FAAP24: variants seen among roughly 807,000 people sequenced by gnomAD.
FAAP24 encodes the protein FA core complex associated protein 24.
Under a neutral mutation model 14.3 loss-of-function variants are expected in FAAP24, and 16 were observed. The ratio of observed to expected loss-of-function variants is 1.12; its 90% CI spans 0.76 to 1.69. The LOEUF is 1.69. FAAP24 is among the 40% of genes most tolerant of loss of function. The pLI, the probability that FAAP24 is intolerant of heterozygous loss-of-function variation, is 0.00. For synonymous variants in FAAP24, 111 were observed against 106.2 expected (o/e 1.04, Z -0.28); for missense variants, 234 against 262.7 (o/e 0.89, Z 0.75).
At chr19:32,973,104 A>G in intron 1 of FAAP24, 80 bp from the exon 2 acceptor site, 1 of 1,018,630 alleles carries the variant, frequency 9.8e-7, no homozygotes. Context: ...ATCCTGCCCC[A>G]GAGGCCCTGG....
Position 32,977,052 on chromosome 19 carries a change from C to CAAAAAAA in FAAP24, c.*380_*386dup, listed in dbSNP as rs56403853. 1 of 311,258 alleles carries CAAAAAAA rather than the reference C, an allele frequency of 3.2e-6. No homozygotes were observed. Among genetic ancestry groups the CAAAAAAA allele is most frequent in the Non-Finnish European group, 5.7e-6 (1 of 175,718 alleles). 19.3% of individuals were successfully genotyped at this position (311,258 alleles called of 1,614,324 possible). A position where few individuals can be genotyped will look rare whatever the true frequency, so the allele number is the denominator to read the frequency against. On this transcript the variant is annotated 3_prime_UTR_variant, in exon 5 of 5. Coordinates refer to ENST00000588258, the MANE Select transcript of FAAP24 (RefSeq NM_152266.5). Reference sequence around the variant, plus strand: ...CGAGACTCCGTCTCAAAGAAAACAACAAAAAAAAAAAAAAAAGAAAAAGGA... The same window carrying CAAAAAAA: ...CGAGACTCCGTCTCAAAGAAAACAACAAAAAAAAAAAAAAAAAAAAAAAGAAAAAGGA...
chr19:32,972,458 T>C, intron 1 of FAAP24, 112 bp downstream of exon 1: 1 of 399,556 alleles, frequency 2.5e-6, no homozygotes, highest in Non-Finnish European at 4.4e-6. Context: ...CACAAATAAT[T>C]GGCAAACGGG....
At chr19:32,975,231 G>A (rs1317145168) in intron 4 of FAAP24, among the ~76,000 whole-genome samples, 1 of 143,696 alleles carries the variant, frequency 7.0e-6, no homozygotes, top group African/African-American at 2.7e-5. Flanking sequence ...GTGCAGTGGT[G>A]CAATCTTGGC....
rs141033427 is a variant in FAAP24, at chr19:32,978,128, G to A, written c.*1446G>A. 1 of 152,404 alleles carries A rather than the reference G, an allele frequency of 6.6e-6. No individual in the cohort carries two copies. Among genetic ancestry groups the A allele is most frequent in the Non-Finnish European group, 1.5e-5 (1 of 68,210 alleles). The allele number at this position is 152,404 out of a possible 1,614,324, so 9.4% of individuals were successfully genotyped here. On this transcript the variant is annotated 3_prime_UTR_variant, in exon 5 of 5. Coordinates refer to ENST00000588258, the MANE Select transcript of FAAP24 (RefSeq NM_152266.5). Reference sequence around the variant, plus strand: ...AGGCCAGGCACAGTGGCTCACACCTGTAGTCCCAGCACTTTGGGAGGCTGA... The same window carrying A: ...AGGCCAGGCACAGTGGCTCACACCTATAGTCCCAGCACTTTGGGAGGCTGA...
Position 32,973,440 on chromosome 19 carries a change from A to G in FAAP24, c.121A>G (p.Ile41Val), listed in dbSNP as rs759902681. ...TGTATTTTAAGGGAAAATTAAGCTC[A>G]TTTTCGAGGATGGCTTGACACCAGA... ...AQEMQGKIKL[I>V]FEDGLTPDFY... The change falls in exon 3 of 5, where the codon ATT (isoleucine) becomes GTT (valine). Residue 41 changes from isoleucine to valine, a missense_variant. Ile to Val is a conservative substitution (Grantham distance 29). Coordinates refer to ENST00000588258, the MANE Select transcript of FAAP24 (RefSeq NM_152266.5). The G allele has an allele frequency of 4.3e-6, 7 of 1,614,058 alleles. No individual in the cohort carries two copies. Among genetic ancestry groups the G allele is most frequent in the Non-Finnish European group, 5.9e-6 (7 of 1,179,976 alleles).
chr19:32,973,034 T>A, intron 1 of FAAP24, 150 bp from the exon 2 acceptor site: 2 of 627,038 alleles, frequency 3.2e-6, no homozygotes, highest in Non-Finnish European at 2.7e-6. Flanking sequence ...TTCTTATTAG[T>A]AATTATAAAG....
chr19:32,973,621 A>C (rs769657508), intron 3 of FAAP24, 59 bp downstream of exon 3: 3 of 1,577,954 alleles, frequency 1.9e-6, no homozygotes, highest in Non-Finnish European at 2.6e-6. Flanking sequence ...TTGGGAGGCC[A>C]AGGCGGGTGG....
intron 1 of FAAP24, among the ~76,000 whole-genome samples, chr19:32,972,711 T>TTTTC (rs1294586577): frequency 4.1e-5 from 3 of 73,782 alleles, no homozygotes; most frequent in Non-Finnish European, 6.0e-5. Context: ...TTTCTTTTTC[T>TTTTC]TTTCTTTTTT....
At chr19:32,975,604 T>G (rs1971506622) in intron 4 of FAAP24, among the ~76,000 whole-genome samples, 1 of 151,228 alleles carries the variant, frequency 6.6e-6, no homozygotes, top group Non-Finnish European at 1.5e-5. Context: ...GAATTACAGG[T>G]GCCCGCCACC....
chr19:32,972,951 T>A (rs1483398433), intron 1 of FAAP24, among the ~76,000 whole-genome samples: 2 of 152,046 alleles, frequency 1.3e-5, no homozygotes, highest in Non-Finnish European at 2.9e-5. Flanking sequence ...CCTGACCTTG[T>A]GATCCACCCG....
At position 32,974,125 on chromosome 19, in the gene FAAP24, C is replaced by T. The variant is rs1192780002; in HGVS notation, c.309C>T (p.Ala103=). The change falls in exon 4 of 5, where the codon GCC becomes GCT. Residue 103 remains alanine (A), a synonymous_variant. Transcript: ENST00000588258. Reference sequence around the variant, plus strand: ...GGATGAGTGAACAATACTTCCCAGCCCTACAGAAGTTTACTGTGCTGGACC... The same window carrying T: ...GGATGAGTGAACAATACTTCCCAGCTCTACAGAAGTTTACTGTGCTGGACC... ...KTRMSEQYFP[A]LQKFTVLDLG... The T allele has an allele frequency of 1.2e-6, 2 of 1,614,028 alleles. No homozygotes were observed. The highest frequency in any genetic ancestry group is 1.3e-5 in the African/African-American group (1 of 74,946).
intron 1 of FAAP24, among the ~76,000 whole-genome samples, chr19:32,972,834 C>T (rs1202079746): frequency 6.6e-6 from 1 of 151,032 alleles, no homozygotes; most frequent in Non-Finnish European, 1.5e-5. Context: ...CTGCCTCAGC[C>T]TCCCAAGTGG....
chr19:32,972,259 C>G lies in FAAP24; in HGVS notation c.-101C>G, dbSNP rs867087684. The G allele has an allele frequency of 1.8e-5, 8 of 452,760 alleles. No homozygotes were observed. Among genetic ancestry groups the G allele is most frequent in the Non-Finnish European group, 3.1e-5 (8 of 254,040 alleles). The allele number at this position is 452,760 out of a possible 1,614,324, so 28.0% of individuals were successfully genotyped here. A position where few individuals can be genotyped will look rare whatever the true frequency, so the allele number is the denominator to read the frequency against. On this transcript the variant is annotated 5_prime_UTR_variant, in exon 1 of 5. Transcript: ENST00000588258. ...CCGAGGGCGTGAACCCGGAAGGTGG[C>G]GCGGCCACCAGTAACATGATCTCTA...
rs182650134 is a variant in FAAP24, at chr19:32,974,008, C to A, written c.244-52C>A. On this transcript the variant is annotated intron_variant, in intron 3 of 4. Transcript: ENST00000588258. ...AGGCACGAAGTGATAGCATTCTTAA[C>A]CTGAAAAGCAATTTGGTTGCAAAAT... is the stretch of plus-strand genomic sequence containing the variant. The A allele has an allele frequency of 5.0e-6, 8 of 1,588,948 alleles. No homozygotes were observed. In the African/African-American group the frequency reaches 1.1e-4, roughly 21 times the overall value.
At chr19:32,975,759 C>T (rs1339459676) in intron 4 of FAAP24, among the ~76,000 whole-genome samples, 3 of 152,122 alleles carry the variant, frequency 2.0e-5, no homozygotes, top group Non-Finnish European at 4.4e-5. Context: ...CGCCCGGCCG[C>T]CAACACTTAT....
intron 1 of FAAP24, among the ~76,000 whole-genome samples, chr19:32,972,846 T>TG (rs1349387995): frequency 2.6e-5 from 4 of 151,372 alleles, no homozygotes; most frequent in African/African-American, 9.7e-5. Flanking sequence ...CCCAAGTGGC[T>TG]GGGATTACAG....
At chr19:32,973,760 C>T (rs1336614557) in intron 3 of FAAP24, among the ~76,000 whole-genome samples, 198 bp downstream of exon 3, 3 of 152,258 alleles carry the variant, frequency 2.0e-5, no homozygotes, top group Admixed American at 6.5e-5. Context: ...GAGGCTGAGA[C>T]GGGAGAATTG....
chr19:32,975,953 G>C (rs948868967), intron 4 of FAAP24, among the ~76,000 whole-genome samples: 6 of 152,108 alleles, frequency 3.9e-5, no homozygotes, highest in Admixed American at 2.6e-4. Flanking sequence ...GCCATGAATG[G>C]TTCACAGATC....
rs1201537550 is a variant in FAAP24 at position 32,978,066 on chromosome 19, T to C, written c.*1384T>C. 2.6e-5 allele frequency: 4 copies of C among 151,554 alleles called. No individual in the cohort carries two copies. Among genetic ancestry groups the C allele is most frequent in the African/African-American group, 9.7e-5 (4 of 41,148 alleles). 9.4% of individuals were successfully genotyped at this position (151,554 alleles called of 1,614,324 possible). On this transcript the variant is annotated 3_prime_UTR_variant, in exon 5 of 5. Transcript: ENST00000588258. ...TAGTGAGGGAAGCAGGGGCTGGGGATCAAAAGGTACAAATTGCCCATTCAA... is the reference window on the plus strand; with the variant it reads ...TAGTGAGGGAAGCAGGGGCTGGGGACCAAAAGGTACAAATTGCCCATTCAA...
Sources: gnomAD v4.1 joint callset for allele counts (sites outside exome capture counted in the v4.1 genomes callset) on GRCh38, gnomAD v4.1.1 for gene constraint, MANE v1.5 for transcripts, NCBI Gene and HGNC (gene_info 2026-07-23, HGNC 2026-07-21) for gene names.